The following SOCS5 variants were observed in gnomAD, a reference collection of about 807,000 sequenced individuals.
SOCS5 encodes suppressor of cytokine signaling 5.
A neutral mutation model predicts 42.8 loss-of-function variants in SOCS5; 32 were observed. The observed-to-expected ratio is 0.75, with a 90% confidence interval of 0.56 to 1.01. The LOEUF (loss-of-function observed/expected upper bound fraction) is 1.01. Ranked by LOEUF, SOCS5 falls within the 50% of genes least tolerant of loss-of-function variation. SOCS5 has a pLI of 0.00. For missense variants in SOCS5, 627 were observed against 653.0 expected (o/e 0.96, Z 0.43); for synonymous variants, 283 against 229.6 (o/e 1.23, Z -2.10).
In SOCS5 at chr2:46,762,785, T is replaced by C. The variant is rs1673898628; in HGVS notation, c.*2644T>C. On this transcript the variant is annotated 3_prime_UTR_variant, in exon 2 of 2. Transcript: ENST00000394861. ...TACAAACCAGGAATTTCTTTAGAAG[T>C]TGAGATACATCTTTATAGTTGAAAT... 1 of 165,136 alleles carries C rather than the reference T, an allele frequency of 6.1e-6. No individual in the cohort carries two copies. Among genetic ancestry groups the C allele is most frequent in the Non-Finnish European group, 1.5e-5 (1 of 68,080 alleles). 10.2% of individuals were successfully genotyped at this position (165,136 alleles called of 1,614,324 possible).
At chr2:46,754,328 AT>A (rs1558413252) in intron 1 of SOCS5, among the ~76,000 whole-genome samples, 1 of 152,078 alleles carries the variant, frequency 6.6e-6, no homozygotes, top group South Asian at 2.1e-4. Context: ...TCTTTACAAT[AT>A]TTTTTCCATT....
At position 46,758,571 on chromosome 2, in the gene SOCS5, GGT is replaced by G; in HGVS notation, c.44_45del (p.Cys15SerfsTer7). On this transcript the variant is annotated frameshift_variant, in exon 2 of 2. Coordinates refer to ENST00000394861, the MANE Select transcript of SOCS5 (RefSeq NM_144949.3). LOFTEE classifies it high-confidence loss of function. ...AAAATGTGGAATAACTTCAAATACA[GGT>G]GTCAGAATCTCTTCGGTCATGAGGG... 6.2e-7 allele frequency: 1 copy of G among 1,607,542 alleles called. No individual in the cohort carries two copies. The highest frequency in any genetic ancestry group is 8.5e-7 in the Non-Finnish European group (1 of 1,177,980).
chr2:46,735,519 A>G (rs1673223266), intron 1 of SOCS5, among the ~76,000 whole-genome samples: 1 of 152,010 alleles, frequency 6.6e-6, no homozygotes. Flanking sequence ...GTTGCTTTGC[A>G]CTTTGTGTTC....
rs1159882550 is a variant in SOCS5 at position 46,760,981 on chromosome 2, G to T, written c.*840G>T. 1 of 167,042 alleles carries T rather than the reference G, an allele frequency of 6.0e-6. No homozygotes were observed. The highest frequency in any genetic ancestry group is 1.5e-5 in the Non-Finnish European group (1 of 68,102). 10.3% of individuals were successfully genotyped at this position (167,042 alleles called of 1,614,324 possible). Reference sequence around the variant, plus strand: ...GATGATTTTGTGAACCGTGAAGTACGTGAGACTAGAAGACGCCCAAACAAG... The same window carrying T: ...GATGATTTTGTGAACCGTGAAGTACTTGAGACTAGAAGACGCCCAAACAAG... On this transcript the variant is annotated 3_prime_UTR_variant, in exon 2 of 2. Coordinates refer to ENST00000394861, the MANE Select transcript of SOCS5 (RefSeq NM_144949.3).
chr2:46,753,819 C>T lies in SOCS5; in HGVS notation c.-12-4700C>T, dbSNP rs193227125. Among the ~76,000 whole-genome samples the T allele has an allele frequency of 5.3e-5, 8 of 152,280 alleles. No homozygotes were observed. The East Asian group carries it at 1.5e-3, about 29-fold the overall frequency. On this transcript the variant is annotated intron_variant, in intron 1 of 1. Transcript: ENST00000394861. ...CTTTTCAGACCATGTAAGGTAACTT[C>T]CTGACATTGCTGTGGCATTTATAAG...
intron 1 of SOCS5, among the ~76,000 whole-genome samples, chr2:46,722,515 C>T (rs1354244286): frequency 1.3e-5 from 2 of 152,070 alleles, no homozygotes; most frequent in African/African-American, 2.4e-5. Flanking sequence ...ATGGTTGATT[C>T]CATTTTGTTG....
Position 46,758,521 on chromosome 2 carries a change from T to C in SOCS5, c.-10T>C, listed in dbSNP as rs750088678. 1.6e-5 allele frequency: 25 copies of C among 1,569,240 alleles called. No homozygotes were observed. Among genetic ancestry groups the C allele is most frequent in the Non-Finnish European group, 2.2e-5 (25 of 1,160,816 alleles). Reference sequence around the variant, plus strand: ...TCTTTTTGCTGTTTTGTCTTTAGATTTTATAATCAATGGATAAAGTGGGAA... The same window carrying C: ...TCTTTTTGCTGTTTTGTCTTTAGATCTTATAATCAATGGATAAAGTGGGAA... On this transcript the variant is annotated splice_region_variant and 5_prime_UTR_variant, in exon 2 of 2. Coordinates refer to ENST00000394861, the MANE Select transcript of SOCS5 (RefSeq NM_144949.3).
chr2:46,747,567 TG>T (rs1673531975), intron 1 of SOCS5, among the ~76,000 whole-genome samples: 1 of 152,056 alleles, frequency 6.6e-6, no homozygotes, highest in South Asian at 2.1e-4. Flanking sequence ...TTTTATGTCT[TG>T]CATAATGTGT....
intron 1 of SOCS5, among the ~76,000 whole-genome samples, chr2:46,727,402 C>T (rs1305824055): frequency 6.6e-6 from 1 of 152,134 alleles, no homozygotes; most frequent in Non-Finnish European, 1.5e-5. Context: ...CCTTCATATT[C>T]TAAGTAATTT....
At chr2:46,736,689 G>A (rs1265329956) in intron 1 of SOCS5, among the ~76,000 whole-genome samples, 1 of 151,992 alleles carries the variant, frequency 6.6e-6, no homozygotes, top group Non-Finnish European at 1.5e-5. Flanking sequence ...ATTCCATTAC[G>A]TATGTAGCAC....
intron 1 of SOCS5, among the ~76,000 whole-genome samples, chr2:46,719,574 G>A (rs977606907): frequency 2.6e-5 from 4 of 152,118 alleles, no homozygotes; most frequent in African/African-American, 7.2e-5. Context: ...AAGAATGGAC[G>A]TCATAGTCTT....
chr2:46,738,880 C>G (rs925090038), intron 1 of SOCS5, among the ~76,000 whole-genome samples: 9 of 152,156 alleles, frequency 5.9e-5, no homozygotes, highest in Non-Finnish European at 5.9e-5. Flanking sequence ...AGCTAGTAAG[C>G]TGCATTTTGC....
At chr2:46,712,038 G>A (rs1334376458) in intron 1 of SOCS5, among the ~76,000 whole-genome samples, 7 of 152,024 alleles carry the variant, frequency 4.6e-5, no homozygotes, top group Non-Finnish European at 8.8e-5. Context: ...TTTCAAGATT[G>A]TTTAGACTTT....
intron 1 of SOCS5, among the ~76,000 whole-genome samples, chr2:46,710,211 A>G (rs1025187074): frequency 6.6e-6 from 1 of 152,144 alleles, no homozygotes; most frequent in Admixed American, 6.5e-5. Context: ...CAGTGGCGCA[A>G]TCTCGGCTCA....
At position 46,762,883 on chromosome 2, in the gene SOCS5, C is replaced by G. The variant is rs1673900633; in HGVS notation, c.*2742C>G. 1.2e-5 allele frequency: 2 copies of G among 166,868 alleles called. No individual in the cohort carries two copies. The highest frequency in any genetic ancestry group is 1.3e-4 in the Admixed American group (2 of 15,274). 10.3% of individuals were successfully genotyped at this position (166,868 alleles called of 1,614,324 possible). On this transcript the variant is annotated 3_prime_UTR_variant, in exon 2 of 2. Coordinates refer to ENST00000394861, the MANE Select transcript of SOCS5 (RefSeq NM_144949.3). ...TTTTCTTCATTCCCTTACACACACA[C>G]ACACACCTCTCCCTTCCGCATACAT...
chr2:46,759,065 C>CAG lies in SOCS5; in HGVS notation c.538_539dup (p.Leu181GlyfsTer12). The CAG allele has an allele frequency of 1.2e-6, 2 of 1,613,972 alleles. No individual in the cohort carries two copies. Among genetic ancestry groups the CAG allele is most frequent in the Non-Finnish European group, 1.7e-6 (2 of 1,179,838 alleles). ...AACTGTAGGAAGTCGCTCTCTAAGA[C>CAG]AGAGGTTGCAGGATACTGTGGGCTT... On this transcript the variant is annotated frameshift_variant, in exon 2 of 2. Transcript: ENST00000394861. LOFTEE classifies it high-confidence loss of function.
intron 1 of SOCS5, among the ~76,000 whole-genome samples, chr2:46,708,136 A>G (rs1194174359): frequency 6.6e-6 from 1 of 152,220 alleles, no homozygotes; most frequent in Non-Finnish European, 1.5e-5. Flanking sequence ...CAAGGATGAC[A>G]TTTAAGGCTC....
rs763712293 is a variant in SOCS5, at chr2:46,758,794, A to G, written c.264A>G (p.Gln88=). ...AAAATTGTGCCACAGAAATCCCTCA[A>G]ATTGTTGAAATAAGCATCGAAAAGG... ...RNQNCATEIP[Q]IVEISIEKDN... Residue 88 remains glutamine, a synonymous_variant, in exon 2 of 2, where the codon CAA becomes CAG. Transcript: ENST00000394861. 4 of 1,614,192 alleles carry G rather than the reference A, an allele frequency of 2.5e-6. No individual in the cohort carries two copies. Among genetic ancestry groups the G allele is most frequent in the Admixed American group, 1.7e-5 (1 of 60,026 alleles).
intron 1 of SOCS5, among the ~76,000 whole-genome samples, chr2:46,725,266 A>T (rs2103718065): frequency 6.6e-6 from 1 of 152,114 alleles, no homozygotes; most frequent in Middle Eastern, 3.4e-3. Context: ...ATTTGAAATA[A>T]ATTTCTTGTA....
Sources: gnomAD v4.1 joint callset for allele counts (sites outside exome capture counted in the v4.1 genomes callset) on GRCh38, gnomAD v4.1.1 for gene constraint, MANE v1.5 for transcripts, NCBI Gene and HGNC (gene_info 2026-07-23, HGNC 2026-07-21) for gene names.